GPC5: variants seen among roughly 807,000 people sequenced by gnomAD.
The protein encoded by GPC5 is glypican 5.
In GPC5, 47 loss-of-function variants were observed where a neutral mutation model predicts 53.9. That is an observed-to-expected ratio of 0.87 (90% CI 0.69 to 1.11). GPC5 has a LOEUF of 1.11. Ranked by LOEUF, GPC5 falls within the 50% of genes most tolerant of loss-of-function variation. The pLI is 0.00. For missense variants in GPC5, 748 were observed against 713.1 expected (o/e 1.05, Z -0.56); for synonymous variants, 286 against 263.3 (o/e 1.09, Z -0.84).
chr13:92,360,537 AG>A (rs2043557273), intron 7 of GPC5, among the ~76,000 whole-genome samples: 1 of 151,440 alleles, frequency 6.6e-6, no homozygotes, highest in Non-Finnish European at 1.5e-5. Flanking sequence ...AATGGGTAAA[AG>A]CTGGAAGAAT....
At position 91,739,885 on chromosome 13, in the gene GPC5, A is replaced by G. The variant is rs2036893580; in HGVS notation, c.1154+11220A>G. ...TTATCATGGAGACTGGCTCTCATCC[A>G]TCTCATCCACCTGTGGAAAGGGATT... On this transcript the variant is annotated intron_variant, in intron 4 of 7. Coordinates refer to ENST00000377067, the MANE Select transcript of GPC5 (RefSeq NM_004466.6). Among the ~76,000 whole-genome samples, 3 of 151,532 alleles carry G rather than the reference A, an allele frequency of 2.0e-5. 1 individual carries two copies. Among genetic ancestry groups the G allele is most frequent in the South Asian group, 2.1e-4 (1 of 4,828 alleles).
chr13:92,305,201 C>T (rs572368818), intron 7 of GPC5, among the ~76,000 whole-genome samples: 12 of 152,090 alleles, frequency 7.9e-5, no homozygotes, highest in African/African-American at 2.9e-4. Context: ...CACACATCAC[C>T]GTCCCTTCAA....
At chr13:92,718,707 C>G (rs569171426) in intron 7 of GPC5, among the ~76,000 whole-genome samples, 2 of 151,932 alleles carry the variant, frequency 1.3e-5, no homozygotes, top group African/African-American at 4.8e-5. Flanking sequence ...AACCCCATCT[C>G]TACTAAAATA....
At chr13:92,674,946 G>A (rs1886886385) in intron 7 of GPC5, among the ~76,000 whole-genome samples, 1 of 152,032 alleles carries the variant, frequency 6.6e-6, no homozygotes, top group South Asian at 2.1e-4. Flanking sequence ...TATTTGTTTA[G>A]AAGAAAAACA....
rs559885544 is a variant in GPC5 at position 91,814,335 on chromosome 13, T to C, written c.1280+57915T>C. On this transcript the variant is annotated intron_variant, in intron 5 of 7. Coordinates refer to ENST00000377067, the MANE Select transcript of GPC5 (RefSeq NM_004466.6). The stretch of plus-strand genomic sequence containing the variant: ...ATGTCTGTTGATGTCTCTCTCTGTA[T>C]ACATAGAAACATTTCCATATCTAGC... Among the ~76,000 whole-genome samples, 5 of 152,280 alleles carry C rather than the reference T, an allele frequency of 3.3e-5. No homozygotes were observed. The South Asian group carries it at 1.0e-3, about 32-fold the overall frequency.
intron 5 of GPC5, among the ~76,000 whole-genome samples, chr13:91,882,238 A>G (rs1375928525): frequency 6.6e-6 from 1 of 152,124 alleles, no homozygotes; most frequent in Non-Finnish European, 1.5e-5. Context: ...TAAAAAATAT[A>G]TATTGAGGTT....
chr13:92,521,701 C>G (rs1358114151), intron 7 of GPC5, among the ~76,000 whole-genome samples: 1 of 152,128 alleles, frequency 6.6e-6, no homozygotes, highest in Non-Finnish European at 1.5e-5. Context: ...CAATACCATT[C>G]AGGACATAGG....
chr13:91,894,374 A>C (rs376472565), intron 5 of GPC5, among the ~76,000 whole-genome samples: 1 of 152,178 alleles, frequency 6.6e-6, no homozygotes, highest in African/African-American at 2.4e-5. Context: ...GAGAACTTTG[A>C]AGGTTCTACA....
At chr13:91,441,143 C>T (rs1294197778) in intron 1 of GPC5, among the ~76,000 whole-genome samples, 1 of 151,844 alleles carries the variant, frequency 6.6e-6, no homozygotes. Context: ...TCAGACTCTC[C>T]TCTTTTGTCC....
chr13:92,065,978 A>G (rs140380784), intron 6 of GPC5, among the ~76,000 whole-genome samples: 1 of 152,070 alleles, frequency 6.6e-6, no homozygotes, highest in African/African-American at 2.4e-5. Flanking sequence ...CAACTGTTGA[A>G]AAGATATTAT....
At chr13:91,847,741 G>T (rs2038868199) in intron 5 of GPC5, among the ~76,000 whole-genome samples, 1 of 152,134 alleles carries the variant, frequency 6.6e-6, no homozygotes, top group Non-Finnish European at 1.5e-5. Context: ...CTTCTTGGTT[G>T]TATAATCAGA....
At chr13:92,351,373 C>T (rs112479727) in intron 7 of GPC5, among the ~76,000 whole-genome samples, 16 of 151,518 alleles carry the variant, frequency 1.1e-4, no homozygotes, top group African/African-American at 3.9e-4. Flanking sequence ...CTACTTAATG[C>T]ATATTTATTA....
At chr13:92,736,371 G>T (rs1888935090) in intron 7 of GPC5, among the ~76,000 whole-genome samples, 1 of 151,888 alleles carries the variant, frequency 6.6e-6, no homozygotes, top group Non-Finnish European at 1.5e-5. Context: ...CTCTTTTATT[G>T]TAGCTCCTGT....
At chr13:92,340,219 T>A (rs992359537) in intron 7 of GPC5, among the ~76,000 whole-genome samples, 6 of 152,168 alleles carry the variant, frequency 3.9e-5, no homozygotes, top group African/African-American at 1.4e-4. Flanking sequence ...AATTATGTAG[T>A]TTATTTTCAA....
intron 2 of GPC5, among the ~76,000 whole-genome samples, chr13:91,524,338 T>G (rs547548236): frequency 2.6e-4 from 40 of 152,210 alleles, no homozygotes; most frequent in Non-Finnish European, 5.3e-4. Flanking sequence ...TTTTTTTATG[T>G]TTTTCAATTT....
intron 5 of GPC5, among the ~76,000 whole-genome samples, chr13:91,796,223 T>C (rs1847715): frequency 0.36 from 54,722 of 152,062 alleles, 11,171 homozygotes; most frequent in African/African-American, 0.56. Context: ...TTAGGATGAA[T>C]CCAGGCACTT....
chr13:91,845,348 A>G (rs2038836478), intron 5 of GPC5, among the ~76,000 whole-genome samples: 1 of 152,106 alleles, frequency 6.6e-6, no homozygotes, highest in Admixed American at 6.6e-5. Flanking sequence ...TTAAAATATA[A>G]TTGACAAAAC....
intron 6 of GPC5, among the ~76,000 whole-genome samples, chr13:92,094,520 C>CA (rs71200562): frequency 0.064 from 4,356 of 68,038 alleles, 221 homozygotes; most frequent in East Asian, 0.08. Context: ...GACTCCGTCT[C>CA]AAAAAAAAAA....
chr13:92,539,241 G>A (rs1284619027), intron 7 of GPC5, among the ~76,000 whole-genome samples: 2 of 151,512 alleles, frequency 1.3e-5, no homozygotes, highest in Non-Finnish European at 2.9e-5. Flanking sequence ...TTGAGGAATC[G>A]CCACACTGTC....
Sources: allele counts gnomAD v4.1 joint callset (sites outside exome capture counted in the v4.1 genomes callset), GRCh38; gene constraint gnomAD v4.1.1; transcripts MANE v1.5; gene names NCBI Gene and HGNC (gene_info 2026-07-23, HGNC 2026-07-21).